RELN: variants seen among roughly 807,000 people sequenced by gnomAD.
RELN encodes the protein reelin.
A neutral mutation model predicts 427.6 loss-of-function variants in RELN; 108 were observed. That is an observed-to-expected ratio of 0.25 (90% CI 0.22 to 0.30). The LOEUF (loss-of-function observed/expected upper bound fraction) is 0.30, where lower values mean the gene tolerates loss of function less well. Among genes scored for constraint, RELN ranks in the 10% least tolerant of loss-of-function variants. The probability of loss-of-function intolerance (pLI) is 1.00; values close to 1 mark genes in which losing one functional copy is unlikely to be tolerated. For synonymous variants in RELN, 1,524 were observed against 1,513.4 expected, an observed-to-expected ratio of 1.01 and a Z score of -0.16; for missense variants, 3,715 against 4,302.8, an observed-to-expected ratio of 0.86 and a Z score of 3.82.
chr7:103,482,686 T>C (rs2116974997), intron 63 of RELN, 187 bp downstream of exon 63: 5 of 773,288 alleles, frequency 6.5e-6, no homozygotes, highest in Non-Finnish European at 7.9e-6. Flanking sequence ...TTACATTTCA[T>C]TCGGGGCTTT....
intron 19 of RELN, 31 bp from the exon 20 acceptor site, chr7:103,630,207 T>C: frequency 1.4e-6 from 2 of 1,439,550 alleles, no homozygotes; most frequent in Non-Finnish European, 2.0e-6. Context: ...AAAATTTAGA[T>C]TATTTTGGTA....
Position 103,596,499 on chromosome 7 carries a change from G to A in RELN, c.3496C>T (p.His1166Tyr), listed in dbSNP as rs1166173010. Residue 1166 changes from histidine to tyrosine, a missense_variant, in exon 25 of 65, where the codon CAC (histidine) becomes TAC (tyrosine). Transcript: ENST00000428762. ...QYSNNGGIQW[H>Y]LLAEMYFSDF... ...GAAAAGTACATCTCTGCTAGCAGGT[G>A]CCACTGGATGCCCCCATTGTTGCTG... 6.2e-6 allele frequency: 10 copies of A among 1,613,870 alleles called. No homozygotes were observed. Among genetic ancestry groups the A allele is most frequent in the Non-Finnish European group, 8.5e-6 (10 of 1,179,920 alleles).
chr7:103,982,802 C>A (rs1387160405), intron 1 of RELN, among the ~76,000 whole-genome samples: 1 of 152,084 alleles, frequency 6.6e-6, no homozygotes, highest in Non-Finnish European at 1.5e-5. Flanking sequence ...AACATGTCAC[C>A]TTTCCTATCA....
chr7:103,871,800 C>A (rs1326152833), intron 2 of RELN, among the ~76,000 whole-genome samples: 1 of 152,042 alleles, frequency 6.6e-6, no homozygotes, highest in Admixed American at 6.6e-5. Context: ...AACATGGTAT[C>A]AGTTCCTCTT....
intron 10 of RELN, among the ~76,000 whole-genome samples, chr7:103,696,085 C>G (rs147263822): frequency 2.1e-3 from 313 of 152,212 alleles, no homozygotes; most frequent in African/African-American, 7.2e-3. Flanking sequence ...TGGTGCTCAA[C>G]TCTATTATTA....
At chr7:103,711,751 G>T (rs1050281575) in intron 8 of RELN, among the ~76,000 whole-genome samples, 3 of 152,072 alleles carry the variant, frequency 2.0e-5, no homozygotes, top group Non-Finnish European at 4.4e-5. Context: ...CAACCTCCTG[G>T]GCTCAAGGAA....
At chr7:103,769,767 C>T (rs1387821608) in intron 4 of RELN, among the ~76,000 whole-genome samples, 1 of 152,202 alleles carries the variant, frequency 6.6e-6, no homozygotes, top group Non-Finnish European at 1.5e-5. Context: ...GACAAGGCTA[C>T]TCTGTGACCG....
intron 7 of RELN, 135 bp from the exon 8 acceptor site, chr7:103,723,326 C>G: frequency 1.5e-6 from 1 of 670,608 alleles, no homozygotes; most frequent in Non-Finnish European, 2.7e-6. Context: ...TTGCATTTAT[C>G]CAGTTGTTAG....
chr7:103,729,018 T>C (rs1271893860), intron 6 of RELN, among the ~76,000 whole-genome samples: 2 of 152,162 alleles, frequency 1.3e-5, no homozygotes, highest in East Asian at 1.9e-4. Context: ...CTAGCAGAGA[T>C]TGAAGGTATG....
chr7:103,933,966 C>A (rs1795922187), intron 1 of RELN, among the ~76,000 whole-genome samples: 1 of 152,312 alleles, frequency 6.6e-6, no homozygotes, highest in African/African-American at 2.4e-5. Context: ...TCTGTGGCAC[C>A]CTGATCCCTG....
intron 2 of RELN, among the ~76,000 whole-genome samples, chr7:103,857,172 T>A (rs1012061897): frequency 6.6e-6 from 1 of 152,198 alleles, no homozygotes; most frequent in African/African-American, 2.4e-5. Context: ...GTCTGCATTA[T>A]AACAATGTAG....
intron 11 of RELN, among the ~76,000 whole-genome samples, chr7:103,664,169 C>T (rs1833205819): frequency 1.3e-5 from 2 of 152,194 alleles, no homozygotes; most frequent in African/African-American, 4.8e-5. Flanking sequence ...TACATGTTGG[C>T]TATAACAGAA....
rs362787 is a variant in RELN, at chr7:103,550,992, T to A, written c.6302+75A>T. ...AGGTGGAAATTTCCCCATGATAAAG[T>A]GGCAAGTGAACGATGACTTCAGGAA... On this transcript the variant is annotated intron_variant, in intron 41 of 64. Coordinates refer to ENST00000428762, the MANE Select transcript of RELN (RefSeq NM_005045.4). The A allele has an allele frequency of 0.049, 58,541 of 1,195,550 alleles. 1,931 individuals carry two copies. Among genetic ancestry groups the A allele is most frequent in the South Asian group, 0.12 (9,299 of 77,600 alleles). The allele number at this position is 1,195,550 out of a possible 1,614,324, so 74.1% of individuals were successfully genotyped here.
intron 20 of RELN, among the ~76,000 whole-genome samples, chr7:103,615,322 T>A (rs1001545642): frequency 4.6e-5 from 7 of 152,184 alleles, no homozygotes; most frequent in African/African-American, 1.7e-4. Flanking sequence ...CTTAGTAGAA[T>A]TTGAGTCTCC....
chr7:103,699,963 A>G (rs1834056490), intron 9 of RELN, among the ~76,000 whole-genome samples: 1 of 151,972 alleles, frequency 6.6e-6, no homozygotes, highest in Non-Finnish European at 1.5e-5. Context: ...ATTTTTAAAC[A>G]CCACTACCAA....
Position 103,542,776 on chromosome 7 carries a change from C to A in RELN, c.6626G>T (p.Gly2209Val). The change falls in exon 43 of 65, where the codon GGC becomes GTC. Residue 2209 changes from glycine to valine, a missense_variant. This residue lies in a region of RELN where 1,310 missense variants were observed against 1,643.0 expected (regional missense o/e 0.80). Transcript: ENST00000428762. ...SGNNLFFNED[G>V]LRMLMTRDLD... ...GTCTCGTGTCATCAACATGCGCAAG[C>A]CATCTTCATTGAAAAAGAGGTTGTT... 1 of 1,614,042 alleles carries A rather than the reference C, an allele frequency of 6.2e-7. No homozygotes were observed. Among genetic ancestry groups the A allele is most frequent in the Non-Finnish European group, 8.5e-7 (1 of 1,179,986 alleles).
chr7:103,788,537 A>T (rs1584493412), intron 3 of RELN, among the ~76,000 whole-genome samples: 3 of 152,008 alleles, frequency 2.0e-5, no homozygotes, highest in African/African-American at 7.2e-5. Flanking sequence ...CATTCCTATA[A>T]ACCAATAATA....
At position 103,619,202 on chromosome 7, in the gene RELN, G is replaced by A. The variant is rs535001389; in HGVS notation, c.2703-7399C>T. Among the ~76,000 whole-genome samples the A allele has an allele frequency of 3.3e-5, 5 of 152,280 alleles. No individual in the cohort carries two copies. In the East Asian group the frequency reaches 7.7e-4, roughly 24 times the overall value. ...GTGCTTAGTGGCAGTTTATTCTCAAGGGTCAGATAACTTCATGGGAGATAG... is the reference window on the plus strand; with the variant it reads ...GTGCTTAGTGGCAGTTTATTCTCAAAGGTCAGATAACTTCATGGGAGATAG... On this transcript the variant is annotated intron_variant, in intron 20 of 64. Transcript: ENST00000428762.
chr7:103,909,030 T>G (rs1225182381), intron 2 of RELN, among the ~76,000 whole-genome samples: 1 of 152,172 alleles, frequency 6.6e-6, no homozygotes, highest in Non-Finnish European at 1.5e-5. Context: ...CAAAATAAAT[T>G]TAGCCAGGTT....
Sources: allele counts gnomAD v4.1 joint callset (sites outside exome capture counted in the v4.1 genomes callset), GRCh38; gene constraint gnomAD v4.1.1; regional missense constraint gnomAD v4.1.1; transcripts MANE v1.5; gene names NCBI Gene and HGNC (gene_info 2026-07-23, HGNC 2026-07-21).